BPNT1: variants seen among roughly 807,000 people sequenced by gnomAD.
BPNT1 encodes the protein 3'(2'), 5'-bisphosphate nucleotidase 1, also known as 3'(2'),5'-bisphosphate nucleotidase 1.
BPNT1 carries 28 observed loss-of-function variants against 36.9 expected under a neutral mutation model. The ratio of observed to expected loss-of-function variants is 0.76; its 90% CI spans 0.56 to 1.04. The LOEUF is 1.04. BPNT1 is among the 50% of genes least tolerant of loss of function. The pLI is 0.00. For missense variants in BPNT1, 313 were observed against 372.9 expected, an observed-to-expected ratio of 0.84 and a Z score of 1.32; for synonymous variants, 119 against 130.9, an observed-to-expected ratio of 0.91 and a Z score of 0.62.
intron 1 of BPNT1, among the ~76,000 whole-genome samples, chr1:220,088,609 G>A (rs903808482): frequency 1.3e-5 from 2 of 151,716 alleles, no homozygotes; most frequent in African/African-American, 2.4e-5. Context: ...GGGCAACATG[G>A]CAAAACCTCG....
At chr1:220,062,446 A>G (rs1303578248) in intron 7 of BPNT1, among the ~76,000 whole-genome samples, 2 of 152,098 alleles carry the variant, frequency 1.3e-5, no homozygotes, top group East Asian at 3.9e-4. Flanking sequence ...TTCCAATTTC[A>G]TCCACGTCCT....
chr1:220,076,077 T>A (rs1664517124), intron 2 of BPNT1, among the ~76,000 whole-genome samples: 1 of 152,078 alleles, frequency 6.6e-6, no homozygotes, highest in East Asian at 1.9e-4. Context: ...TTATAAAAAA[T>A]GAGATTAGGG....
intron 1 of BPNT1, among the ~76,000 whole-genome samples, chr1:220,086,277 TTTC>T (rs1655711231): frequency 6.6e-6 from 1 of 152,152 alleles, no homozygotes; most frequent in Admixed American, 6.5e-5. Context: ...TTAAATACTT[TTTC>T]TTTTTTTTGA....
At chr1:220,061,609 G>A (rs1663047285) in intron 7 of BPNT1, among the ~76,000 whole-genome samples, 1 of 151,928 alleles carries the variant, frequency 6.6e-6, no homozygotes, top group South Asian at 2.1e-4. Flanking sequence ...GAGGAAGGAA[G>A]GAGTCTAGGA....
At position 220,058,977 on chromosome 1, in the gene BPNT1, A is replaced by G. The variant is rs992513857; in HGVS notation, c.794T>C (p.Ile265Thr). The G allele has an allele frequency of 6.2e-7, 1 of 1,613,460 alleles. No homozygotes were observed. Reference protein sequence around the residue: ...LHAVGGKLTDIHGNVLQYHKD... With the variant: ...LHAVGGKLTDTHGNVLQYHKD... ...GTGGTACTGAAGAACATTCCCATGG[A>G]TATCGGTTAACTTGCCTATAGAAAA... Residue 265 changes from isoleucine (I) to threonine (T), a missense_variant, in exon 9 of 9, where the codon ATC (isoleucine) becomes ACC (threonine). Physicochemically the swap from Ile to Thr is moderately conservative, Grantham distance 89 (BLOSUM62 -1). Transcript: ENST00000322067.
At chr1:220,075,939 A>G (rs1664505173) in intron 2 of BPNT1, among the ~76,000 whole-genome samples, 1 of 152,226 alleles carries the variant, frequency 6.6e-6, no homozygotes, top group Non-Finnish European at 1.5e-5. Flanking sequence ...TCAACTTAAA[A>G]TAAGTGATGT....
rs1483592297 is a variant in BPNT1, at chr1:220,057,496, GATA to G, written c.*1345_*1347del. ...TAAACCACTTGTTGATTTGAAAACA[GATA>G]ATTTTAATTAAAAGCAATGGACAGA... On this transcript the variant is annotated 3_prime_UTR_variant, in exon 9 of 9. Transcript: ENST00000322067. 2.5e-5 allele frequency: 4 copies of G among 162,910 alleles called. No homozygotes were observed. In the Admixed American group the frequency reaches 2.5e-4, roughly 10 times the overall value. The allele number at this position is 162,910 out of a possible 1,614,324, so 10.1% of individuals were successfully genotyped here.
chr1:220,076,904 A>G (rs1664604071), intron 2 of BPNT1, among the ~76,000 whole-genome samples: 1 of 152,030 alleles, frequency 6.6e-6, no homozygotes, highest in African/African-American at 2.4e-5. Flanking sequence ...GATTTGGTCC[A>G]CTTTTCTCAG....
Position 220,074,085 on chromosome 1 carries a change from T to C in BPNT1, c.121-14A>G, listed in dbSNP as rs763742768. 2 of 1,605,070 alleles carry C rather than the reference T, an allele frequency of 1.2e-6. No individual in the cohort carries two copies. The highest frequency in any genetic ancestry group is 2.2e-5 in the East Asian group (1 of 44,776). ...TGTTGCACAGGTCTGTAATAAAGAA[T>C]GCAAATTTTAGCAGAGCTAATGAAA... On this transcript the variant is annotated splice_polypyrimidine_tract_variant and intron_variant, in intron 2 of 8. Transcript: ENST00000322067.
Position 220,072,874 on chromosome 1 carries a change from C to G in BPNT1, c.309G>C (p.Gln103His). 6.2e-7 allele frequency: 1 copy of G among 1,613,984 alleles called. No individual in the cohort carries two copies. The highest frequency in any genetic ancestry group is 8.5e-7 in the Non-Finnish European group (1 of 1,179,864). Residue 103 changes from glutamine to histidine, a missense_variant, in exon 4 of 9, where the codon CAG becomes CAC. By Grantham distance (24) the Gln-to-His change is conservative. Transcript: ENST00000322067. ...EEILKQPCPS[Q>H]YSAIKEEDLV... ...CATCTTCTTCTTTAATAGCACTGTA[C>G]TGCGATGGGCATGGTTGCTTCAGTA... is the stretch of plus-strand genomic sequence containing the variant.
Position 220,076,369 on chromosome 1 carries a change from C to T in BPNT1, c.121-2298G>A, listed in dbSNP as rs192671932. On this transcript the variant is annotated intron_variant, in intron 2 of 8. Transcript: ENST00000322067. ...CAAAAAAATTAGCTGGGTGTGGTGGCGGGCGCCTGTAGTCCCAGCTACTCG... is the reference window on the plus strand; with the variant it reads ...CAAAAAAATTAGCTGGGTGTGGTGGTGGGCGCCTGTAGTCCCAGCTACTCG... 5.4e-3 allele frequency among the ~76,000 whole-genome samples: 825 copies of T among 151,794 alleles called. 9 individuals carry two copies. The highest frequency in any genetic ancestry group is 0.019 in the African/African-American group (773 of 41,418).
intron 7 of BPNT1, among the ~76,000 whole-genome samples, chr1:220,061,533 C>CAAAA (rs533686309): frequency 1.3e-5 from 1 of 78,244 alleles, no homozygotes; most frequent in Non-Finnish European, 2.4e-5. Context: ...GACTCCGTCT[C>CAAAA]AAAAAAAAAA....
At position 220,057,943 on chromosome 1, in the gene BPNT1, C is replaced by T. The variant is rs1335804670; in HGVS notation, c.*901G>A. 1.2e-5 allele frequency: 12 copies of T among 995,128 alleles called. No individual in the cohort carries two copies. Among genetic ancestry groups the T allele is most frequent in the African/African-American group, 5.1e-5 (3 of 58,816 alleles). 61.6% of individuals were successfully genotyped at this position (995,128 alleles called of 1,614,324 possible). On this transcript the variant is annotated 3_prime_UTR_variant, in exon 9 of 9. Coordinates refer to ENST00000322067, the MANE Select transcript of BPNT1 (RefSeq NM_006085.6). ...CTGTAATCCCAGCACTTTGGGAGTC[C>T]GAGGCAGACAGATCACGATGTCAGG...
At chr1:220,077,732 CTAGA>C (rs1254587351) in intron 2 of BPNT1, among the ~76,000 whole-genome samples, 3 of 152,004 alleles carry the variant, frequency 2.0e-5, no homozygotes, top group Non-Finnish European at 4.4e-5. Context: ...GGTAACAACC[CTAGA>C]TAGATATATC....
chr1:220,062,520 C>T (rs572508942), intron 7 of BPNT1, among the ~76,000 whole-genome samples: 15 of 152,058 alleles, frequency 9.9e-5, no homozygotes, highest in African/African-American at 3.4e-4. Flanking sequence ...ATATGTGCCA[C>T]ATTTTCTTAA....
chr1:220,074,232 T>C (rs1664342290), intron 2 of BPNT1, among the ~76,000 whole-genome samples, 161 bp from the exon 3 acceptor site: 1 of 152,216 alleles, frequency 6.6e-6, no homozygotes, highest in African/African-American at 2.4e-5. Context: ...TTGGTTTTTC[T>C]CAAAGGATTA....
intron 1 of BPNT1, among the ~76,000 whole-genome samples, chr1:220,085,609 A>C (rs942646687): frequency 1.3e-5 from 2 of 152,222 alleles, no homozygotes; most frequent in African/African-American, 4.8e-5. Context: ...TATTTCGGTT[A>C]TTTTGCAGGG....
chr1:220,078,382 G>A, intron 2 of BPNT1, among the ~76,000 whole-genome samples: 3 of 137,428 alleles, frequency 2.2e-5, no homozygotes, highest in African/African-American at 2.7e-5. Context: ...TAATTATATA[G>A]AATTATTATA....
intron 1 of BPNT1, among the ~76,000 whole-genome samples, chr1:220,083,557 C>A (rs945101150): frequency 6.6e-6 from 1 of 151,600 alleles, no homozygotes; most frequent in Non-Finnish European, 1.5e-5. Context: ...ATGATCCACT[C>A]GCCTCGGCCT....
Sources: allele counts gnomAD v4.1 joint callset (sites outside exome capture counted in the v4.1 genomes callset), GRCh38; gene constraint gnomAD v4.1.1; transcripts MANE v1.5; gene names NCBI Gene and HGNC (gene_info 2026-07-23, HGNC 2026-07-21).